NBEA: variants seen among roughly 807,000 people sequenced by gnomAD.
The protein encoded by NBEA is neurobeachin, also known as lysosomal-trafficking regulator 2.
NBEA carries 44 observed loss-of-function variants against 343.4 expected under a neutral mutation model. That is an observed-to-expected ratio of 0.13 (90% confidence interval 0.10 to 0.16). NBEA has a LOEUF of 0.16. Among genes scored for constraint, NBEA ranks in the 10% least tolerant of loss-of-function variants. NBEA has a pLI of 1.00. For synonymous variants in NBEA, 1,175 were observed against 1,238.7 expected (o/e 0.95, Z 1.08); for missense variants, 2,555 against 3,631.3 (o/e 0.70, Z 7.62).
intron 17 of NBEA, among the ~76,000 whole-genome samples, chr13:35,140,286 T>G (rs2068016213): frequency 6.6e-6 from 1 of 152,092 alleles, no homozygotes; most frequent in Non-Finnish European, 1.5e-5. Context: ...ACTGCTGGGA[T>G]TACAGGCATG....
rs1245501988 is a variant in NBEA, at chr13:35,437,216, T to A, written c.6304+4823T>A. 3.3e-5 allele frequency among the ~76,000 whole-genome samples: 5 copies of A among 152,188 alleles called. No individual in the cohort carries two copies. In the East Asian group the frequency reaches 7.7e-4, roughly 23 times the overall value. On this transcript the variant is annotated intron_variant, in intron 39 of 58. Coordinates refer to ENST00000379939, the MANE Select transcript of NBEA (RefSeq NM_001385012.1). ...ATGGGAAGGAACATTTAGCCATCATTTGGATTTCATGACATTATTTTCAGG... is the reference window on the plus strand; with the variant it reads ...ATGGGAAGGAACATTTAGCCATCATATGGATTTCATGACATTATTTTCAGG...
At chr13:35,208,474 G>A (rs1716713362) in intron 31 of NBEA, among the ~76,000 whole-genome samples, 1 of 152,034 alleles carries the variant, frequency 6.6e-6, no homozygotes, top group Admixed American at 6.6e-5. Context: ...AGACTCCTAA[G>A]TCTTCAAAAA....
intron 35 of NBEA, among the ~76,000 whole-genome samples, chr13:35,308,073 A>G (rs74048990): frequency 0.041 from 6,292 of 152,034 alleles, 150 homozygotes; most frequent in South Asian, 0.078. Flanking sequence ...TTGTTATTCT[A>G]TAATTCAGCA....
intron 38 of NBEA, among the ~76,000 whole-genome samples, chr13:35,419,748 C>T (rs936932226): frequency 6.6e-6 from 1 of 151,492 alleles, no homozygotes; most frequent in Non-Finnish European, 1.5e-5. Context: ...AAGAAGAGCA[C>T]AGAAGTGCCA....
At chr13:35,016,275 T>C (rs1489775397) in intron 1 of NBEA, among the ~76,000 whole-genome samples, 2 of 100,860 alleles carry the variant, frequency 2.0e-5, no homozygotes, top group Non-Finnish European at 4.2e-5. Flanking sequence ...TGTATACATA[T>C]ATACACATAC....
intron 48 of NBEA, among the ~76,000 whole-genome samples, chr13:35,623,677 G>A (rs771786816): frequency 9.9e-5 from 15 of 151,952 alleles, no homozygotes; most frequent in Non-Finnish European, 2.2e-4. Context: ...GCATCTATGA[G>A]CTAATAAATC....
chr13:35,147,466 G>A (rs902910775), intron 18 of NBEA, among the ~76,000 whole-genome samples: 1 of 152,164 alleles, frequency 6.6e-6, no homozygotes, highest in African/African-American at 2.4e-5. Flanking sequence ...TGGTCCCTTA[G>A]GAGGGTAGGA....
intron 35 of NBEA, among the ~76,000 whole-genome samples, chr13:35,302,494 T>C (rs975895937): frequency 6.6e-6 from 1 of 152,144 alleles, no homozygotes; most frequent in African/African-American, 2.4e-5. Flanking sequence ...TGAATTATAC[T>C]CTCTTAATAT....
intron 18 of NBEA, among the ~76,000 whole-genome samples, chr13:35,150,925 A>G (rs1389549865): frequency 2.0e-5 from 3 of 151,074 alleles, no homozygotes; most frequent in East Asian, 4.0e-4. Context: ...AGACCAGCCT[A>G]TCCAACATGG....
chr13:35,518,780 G>T (rs2077582103), intron 41 of NBEA, among the ~76,000 whole-genome samples: 1 of 150,172 alleles, frequency 6.7e-6, no homozygotes, highest in African/African-American at 2.5e-5. Flanking sequence ...ATATAATTTG[G>T]GTCAGAGAGA....
At chr13:35,369,869 A>G (rs1429844430) in intron 38 of NBEA, among the ~76,000 whole-genome samples, 1 of 151,956 alleles carries the variant, frequency 6.6e-6, no homozygotes, top group Non-Finnish European at 1.5e-5. Context: ...TCTGTTCAGG[A>G]CTTCCAGTAC....
chr13:35,399,977 T>G (rs900740038), intron 38 of NBEA, among the ~76,000 whole-genome samples: 13 of 151,408 alleles, frequency 8.6e-5, no homozygotes, highest in African/African-American at 2.4e-4. Context: ...TTGTTTAAAT[T>G]TACCAACTTA....
At chr13:35,076,812 G>A (rs1401583651) in intron 10 of NBEA, among the ~76,000 whole-genome samples, 1 of 151,872 alleles carries the variant, frequency 6.6e-6, no homozygotes, top group Admixed American at 6.6e-5. Flanking sequence ...CTTCTAACAG[G>A]AGTATTGTTA....
rs373802183 is a variant in NBEA at position 35,043,043 on chromosome 13, C to A, written c.526+1879C>A. Among the ~76,000 whole-genome samples the A allele has an allele frequency of 1.1e-4, 16 of 151,820 alleles. No homozygotes were observed. The East Asian group carries it at 2.7e-3, about 26-fold the overall frequency. ...AAAAAAAATCATTTCTAATTACTTT[C>A]AATCTTGTTCTCCAGCAAAGAAGAC... On this transcript the variant is annotated intron_variant, in intron 2 of 58. Transcript: ENST00000379939.
chr13:34,973,754 G>A (rs2060074772), intron 1 of NBEA, among the ~76,000 whole-genome samples: 1 of 152,188 alleles, frequency 6.6e-6, no homozygotes, highest in Admixed American at 6.5e-5. Context: ...CAAGCCAGTG[G>A]GTCTTATCCT....
At chr13:35,204,354 G>T (rs1206908207) in intron 31 of NBEA, among the ~76,000 whole-genome samples, 1 of 152,122 alleles carries the variant, frequency 6.6e-6, no homozygotes, top group African/African-American at 2.4e-5. Context: ...CACATGGCTG[G>T]GGAGGCCTCA....
chr13:35,651,971 C>A, intron 53 of NBEA, 95 bp downstream of exon 53: 1 of 736,844 alleles, frequency 1.4e-6, no homozygotes, highest in South Asian at 1.8e-5. Context: ...ATTTTTTCTA[C>A]CACAAGATTA....
intron 45 of NBEA, among the ~76,000 whole-genome samples, chr13:35,569,732 G>T (rs957232097): frequency 6.6e-6 from 1 of 152,120 alleles, no homozygotes; most frequent in Admixed American, 6.5e-5. Flanking sequence ...AATATGAGAG[G>T]CCAGCATTTA....
chr13:35,625,127 G>T (rs1027961139), intron 48 of NBEA, among the ~76,000 whole-genome samples: 1 of 151,958 alleles, frequency 6.6e-6, no homozygotes, highest in Non-Finnish European at 1.5e-5. Flanking sequence ...TAAATATAAA[G>T]CTAAATGATA....
Sources: allele counts gnomAD v4.1 joint callset (sites outside exome capture counted in the v4.1 genomes callset), GRCh38; gene constraint gnomAD v4.1.1; transcripts MANE v1.5; gene names NCBI Gene and HGNC (gene_info 2026-07-23, HGNC 2026-07-21).